RPS6KC1: variants seen among roughly 807,000 people sequenced by gnomAD.
RPS6KC1 encodes inactive ribosomal protein S6 kinase delta-1.
Under a neutral mutation model 103.8 loss-of-function variants are expected in RPS6KC1, and 54 were observed. The observed-to-expected ratio is 0.52, with a 90% CI of 0.42 to 0.65. The LOEUF is 0.65. Ranked by LOEUF, RPS6KC1 falls within the 30% of genes least tolerant of loss-of-function variation. RPS6KC1 has a pLI of 0.00. For synonymous variants in RPS6KC1, 439 were observed against 438.7 expected (o/e 1.00, Z -0.01); for missense variants, 1,151 against 1,253.8 (o/e 0.92, Z 1.24).
At chr1:213,825,922 T>C in the RPS6KC1 span, among the ~76,000 whole-genome samples, 1 of 152,172 alleles carries the variant, frequency 6.6e-6, no homozygotes, top group Non-Finnish European at 1.5e-5. Flanking sequence ...TTAAAGCCCA[T>C]GAACTGAAAA....
the RPS6KC1 span, among the ~76,000 whole-genome samples, chr1:213,294,174 C>A: frequency 6.6e-6 from 1 of 152,234 alleles, no homozygotes; most frequent in African/African-American, 2.4e-5. Context: ...AAGAAAAGTC[C>A]GCTGAAGCTC....
intron 10 of RPS6KC1, among the ~76,000 whole-genome samples, chr1:213,235,342 A>G (rs1258505238): frequency 6.6e-6 from 1 of 152,190 alleles, no homozygotes; most frequent in East Asian, 1.9e-4. Flanking sequence ...TGGAGCTTAC[A>G]TTACATTACA....
At chr1:213,669,758 G>C in the RPS6KC1 span, among the ~76,000 whole-genome samples, 1 of 152,168 alleles carries the variant, frequency 6.6e-6, no homozygotes, top group Non-Finnish European at 1.5e-5. Context: ...TACAGAAGCA[G>C]TTCAGAAAGT....
At chr1:213,859,571 G>C in the RPS6KC1 span, among the ~76,000 whole-genome samples, 1 of 152,190 alleles carries the variant, frequency 6.6e-6, no homozygotes, top group Non-Finnish European at 1.5e-5. Context: ...GGGTTTGTCT[G>C]TGTTTTGATA....
rs553687116 is a variant in RPS6KC1 at position 213,121,483 on chromosome 1, G to A, written c.472+4073G>A. Among the ~76,000 whole-genome samples, 20 of 152,286 alleles carry A rather than the reference G, an allele frequency of 1.3e-4. No individual in the cohort carries two copies. The South Asian group carries it at 4.1e-3, about 32-fold the overall frequency. ...TATTTTTTCAAAGATGAAAGAAGAT[G>A]TAATTGGTTGCTAACATCTTATTTC... On this transcript the variant is annotated intron_variant, in intron 5 of 14. Coordinates refer to ENST00000366960, the MANE Select transcript of RPS6KC1 (RefSeq NM_012424.6).
intron 12 of RPS6KC1, among the ~76,000 whole-genome samples, chr1:213,259,619 A>G (rs925591544): frequency 6.6e-6 from 1 of 152,108 alleles, no homozygotes; most frequent in Non-Finnish European, 1.5e-5. Flanking sequence ...ATGTTTTCTT[A>G]CCAGTCTTTT....
At chr1:213,536,165 T>TA in the RPS6KC1 span, among the ~76,000 whole-genome samples, 1 of 152,176 alleles carries the variant, frequency 6.6e-6, no homozygotes, top group African/African-American at 2.4e-5. Context: ...TTCAGGGTTA[T>TA]AAAAAATGAT....
chr1:213,765,386 T>A, the RPS6KC1 span, among the ~76,000 whole-genome samples: 1 of 152,144 alleles, frequency 6.6e-6, no homozygotes, highest in East Asian at 1.9e-4. Context: ...ATAAAACAGG[T>A]TGTGACCTCT....
chr1:213,401,930 G>A, the RPS6KC1 span, among the ~76,000 whole-genome samples: 7 of 152,066 alleles, frequency 4.6e-5, no homozygotes, highest in Non-Finnish European at 1.0e-4. Context: ...GGGATTACAG[G>A]TGTGTGCCAC....
rs116007045 is a variant in RPS6KC1 at position 213,095,998 on chromosome 1, A to G, written c.263-8456A>G. 6.3e-4 allele frequency among the ~76,000 whole-genome samples: 96 copies of G among 152,268 alleles called. 1 individual carries two copies. Among genetic ancestry groups the G allele is most frequent in the Non-Finnish European group, 1.1e-3 (73 of 68,032 alleles). On this transcript the variant is annotated intron_variant, in intron 3 of 14. Transcript: ENST00000366960. The stretch of plus-strand genomic sequence containing the variant: ...GTATCCATTGACTCTTCCTTTCACA[A>G]AAGATTTCTCTGTAACATGTGATGG...
intron 14 of RPS6KC1, among the ~76,000 whole-genome samples, chr1:213,265,134 C>T (rs1257239052): frequency 6.6e-6 from 1 of 152,172 alleles, no homozygotes; most frequent in East Asian, 1.9e-4. Context: ...TTGGCAGCTG[C>T]TGTCTTGGAT....
chr1:213,780,781 T>C, the RPS6KC1 span, among the ~76,000 whole-genome samples: 2 of 152,104 alleles, frequency 1.3e-5, no homozygotes, highest in African/African-American at 4.8e-5. Flanking sequence ...TCCAACACTT[T>C]GGGAGGCCGA....
intron 12 of RPS6KC1, among the ~76,000 whole-genome samples, chr1:213,261,071 G>GTTCTCC (rs529616026): frequency 5.9e-4 from 90 of 152,222 alleles, no homozygotes; most frequent in African/African-American, 2.1e-3. Flanking sequence ...CTAGGTCTTC[G>GTTCTCC]TTCTCCTACA....
At chr1:213,093,939 A>C (rs1042734473) in intron 3 of RPS6KC1, among the ~76,000 whole-genome samples, 8 of 152,064 alleles carry the variant, frequency 5.3e-5, no homozygotes, top group African/African-American at 1.9e-4. Context: ...AGCCTTTCAG[A>C]AGATATCTCT....
the RPS6KC1 span, among the ~76,000 whole-genome samples, chr1:213,517,672 G>A: frequency 0.017 from 2,650 of 152,258 alleles, 73 homozygotes; most frequent in African/African-American, 0.056. Context: ...TTTGGAATAG[G>A]TGTGGTGTGG....
At chr1:213,513,927 G>A in the RPS6KC1 span, among the ~76,000 whole-genome samples, 2 of 152,178 alleles carry the variant, frequency 1.3e-5, no homozygotes, top group African/African-American at 4.8e-5. Context: ...GAGTGCTCAC[G>A]TGCATTGCCA....
chr1:213,412,736 A>T, the RPS6KC1 span, among the ~76,000 whole-genome samples: 1 of 152,218 alleles, frequency 6.6e-6, no homozygotes, highest in Non-Finnish European at 1.5e-5. Flanking sequence ...ATACCCAGGG[A>T]TGCAGTGGCT....
At chr1:213,793,973 G>A in the RPS6KC1 span, among the ~76,000 whole-genome samples, 1 of 152,038 alleles carries the variant, frequency 6.6e-6, no homozygotes, top group East Asian at 1.9e-4. Context: ...TGTGTCTTTC[G>A]ACTTCAAGGT....
At chr1:213,068,873 ATGTGTGTGTGTGTGTGTG>A (rs60259563) in intron 1 of RPS6KC1, among the ~76,000 whole-genome samples, 3 of 127,370 alleles carry the variant, frequency 2.4e-5, no homozygotes, top group African/African-American at 9.1e-5. Flanking sequence ...AAGTGTATAT[ATGTGTGTGTGTGTGTGTG>A]TGTGTGTGTG....
Sources: gnomAD v4.1 joint callset for allele counts (sites outside exome capture counted in the v4.1 genomes callset) on GRCh38, gnomAD v4.1.1 for gene constraint, MANE v1.5 for transcripts, NCBI Gene and HGNC (gene_info 2026-07-23, HGNC 2026-07-21) for gene names.